Variants in PPP1R16A observed in about 807,000 individuals in gnomAD.
PPP1R16A encodes protein phosphatase 1 regulatory subunit 16A, also known as myosin phosphatase-targeting subunit 3.
In PPP1R16A, 39 loss-of-function variants were observed where a neutral mutation model predicts 46.6. The ratio of observed to expected loss-of-function variants is 0.84; its 90% CI spans 0.65 to 1.09. PPP1R16A has a LOEUF of 1.09. Ranked by LOEUF, PPP1R16A falls within the 50% of genes least tolerant of loss-of-function variation. The pLI is 0.00. For missense variants in PPP1R16A, 798 were observed against 735.6 expected, an observed-to-expected ratio of 1.08 and a Z score of -0.98; for synonymous variants, 413 against 321.5, an observed-to-expected ratio of 1.28 and a Z score of -3.04.
chr8:144,489,689 G>A (rs1356923805), intron 1 of PPP1R16A, among the ~76,000 whole-genome samples: 2 of 152,280 alleles, frequency 1.3e-5, no homozygotes, highest in African/African-American at 4.8e-5. Context: ...GTGACGTGCT[G>A]ATGTGCATCC....
chr8:144,498,801 T>C lies in PPP1R16A; in HGVS notation c.291T>C (p.Pro97=). ...VRQFLGSGVS[P]DLANEDGLTA... is the part of the protein sequence containing the mutation. Reference sequence around the variant, plus strand: ...AGTTCCTTGGGAGTGGGGTCAGCCCTGACTTGGCCAACGAGGACGGCCTGA... The same window carrying C: ...AGTTCCTTGGGAGTGGGGTCAGCCCCGACTTGGCCAACGAGGACGGCCTGA... Residue 97 remains proline, a synonymous_variant, in exon 4 of 12, where the codon CCT becomes CCC. Transcript: ENST00000435887. 6.2e-7 allele frequency: 1 copy of C among 1,603,054 alleles called. No individual in the cohort carries two copies. Among genetic ancestry groups the C allele is most frequent in the South Asian group, 1.1e-5 (1 of 90,702 alleles).
intron 1 of PPP1R16A, among the ~76,000 whole-genome samples, chr8:144,486,430 A>C (rs1265555141): frequency 6.6e-6 from 1 of 152,170 alleles, no homozygotes; most frequent in Non-Finnish European, 1.5e-5. Flanking sequence ...TGGGAGTTGC[A>C]TGTTGAGCTG....
intron 1 of PPP1R16A, among the ~76,000 whole-genome samples, chr8:144,481,206 GAAC>G (rs1825405637): frequency 6.6e-6 from 1 of 152,002 alleles, no homozygotes; most frequent in African/African-American, 2.4e-5. Context: ...TGGGTTTTGT[GAAC>G]AACGTCATAA....
At chr8:144,484,449 G>A (rs1429213733) in intron 1 of PPP1R16A, among the ~76,000 whole-genome samples, 1 of 152,216 alleles carries the variant, frequency 6.6e-6, no homozygotes, top group African/African-American at 2.4e-5. Flanking sequence ...GGGCTGCTAG[G>A]AGCCCTCCCT....
chr8:144,490,688 C>A (rs1237040301), intron 2 of PPP1R16A, among the ~76,000 whole-genome samples: 1 of 152,202 alleles, frequency 6.6e-6, no homozygotes, highest in African/African-American at 2.4e-5. Context: ...GAGACTGCAC[C>A]TTCAGAAGGT....
intron 3 of PPP1R16A, 123 bp downstream of exon 3, chr8:144,497,576 T>C: frequency 7.2e-7 from 1 of 1,387,596 alleles, no homozygotes; most frequent in Non-Finnish European, 1.0e-6. Flanking sequence ...AGCCCCCAGA[T>C]CTTGCCTGGT....
rs747518192 is a variant in PPP1R16A at position 144,500,088 on chromosome 8, C to T, written c.477-8C>T. ...TTGTGCCCAGCACCCCGTCCGTCTT[C>T]CCTGCAGTGGCGCCAATCTCCTGGC... On this transcript the variant is annotated splice_region_variant and splice_polypyrimidine_tract_variant and intron_variant, in intron 5 of 11. Coordinates refer to ENST00000435887, the MANE Select transcript of PPP1R16A (RefSeq NM_001329443.2). 1.9e-6 allele frequency: 3 copies of T among 1,603,792 alleles called. No individual in the cohort carries two copies. Among genetic ancestry groups the T allele is most frequent in the Admixed American group, 3.4e-5 (2 of 59,050 alleles).
intron 2 of PPP1R16A, 100 bp from the exon 3 acceptor site, chr8:144,496,361 G>T (rs905949132): frequency 2.0e-5 from 3 of 152,608 alleles, no homozygotes; most frequent in African/African-American, 7.2e-5. Flanking sequence ...ACCTGAGACA[G>T]CTGGAAGCCT....
chr8:144,489,058 G>A (rs958580154), intron 1 of PPP1R16A, among the ~76,000 whole-genome samples: 3 of 150,990 alleles, frequency 2.0e-5, no homozygotes, highest in Non-Finnish European at 4.4e-5. Context: ...ACAAATATTA[G>A]CCGGGTGTTG....
Position 144,488,715 on chromosome 8 carries a change from T to TA in PPP1R16A, c.-913-1319_-913-1318insA, listed in dbSNP as rs533160717. ...GGGGTGAAGCCACAGTGAGGGCTGG[T>TA]GCTGGGTGGTTGGTGCCTGATGATG... is the stretch of plus-strand genomic sequence containing the variant. On this transcript the variant is annotated intron_variant, in intron 1 of 11. Transcript: ENST00000435887. 5.8e-3 allele frequency among the ~76,000 whole-genome samples: 879 copies of TA among 152,118 alleles called. 6 individuals are homozygous for TA. Among genetic ancestry groups the TA allele is most frequent in the South Asian group, 0.028 (133 of 4,814 alleles).
At position 144,490,412 on chromosome 8, in the gene PPP1R16A, A is replaced by G. The variant is rs139115045; in HGVS notation, c.-735+200A>G. On this transcript the variant is annotated intron_variant, in intron 2 of 11. Coordinates refer to ENST00000435887, the MANE Select transcript of PPP1R16A (RefSeq NM_001329443.2). ...TCCCAGCTACTTGGGAGACTTAGGC[A>G]GGAGAATCACTTGAACCTGGGAGGT... Among the ~76,000 whole-genome samples the G allele has an allele frequency of 4.6e-3, 698 of 152,260 alleles. 4 individuals carry two copies. The highest frequency in any genetic ancestry group is 0.015 in the African/African-American group (635 of 41,562).
At chr8:144,488,985 C>T (rs1017037485) in intron 1 of PPP1R16A, among the ~76,000 whole-genome samples, 22 of 151,474 alleles carry the variant, frequency 1.5e-4, no homozygotes, top group African/African-American at 5.3e-4. Context: ...AGGCGGATCA[C>T]TTGAGGTCAG....
chr8:144,481,802 G>C (rs1413082568), intron 1 of PPP1R16A, among the ~76,000 whole-genome samples: 1 of 151,994 alleles, frequency 6.6e-6, no homozygotes, highest in African/African-American at 2.4e-5. Flanking sequence ...TTTTGAGACA[G>C]AGTCTTGCTC....
At chr8:144,498,637 C>G in intron 3 of PPP1R16A, 133 bp from the exon 4 acceptor site, 1 of 853,850 alleles carries the variant, frequency 1.2e-6, no homozygotes, top group African/African-American at 1.7e-5. Context: ...TGCCCCCACC[C>G]CTGGGCTCTG....
chr8:144,491,524 G>C (rs534323567), intron 2 of PPP1R16A, among the ~76,000 whole-genome samples: 2 of 152,236 alleles, frequency 1.3e-5, no homozygotes, highest in African/African-American at 4.8e-5. Context: ...AGCACTTTGG[G>C]AGGCTGACAT....
chr8:144,501,301 G>A lies in PPP1R16A; in HGVS notation c.1203+7G>A, dbSNP rs539260252. 1.1e-5 allele frequency: 18 copies of A among 1,572,820 alleles called. No homozygotes were observed. Among genetic ancestry groups the A allele is most frequent in the African/African-American group, 5.4e-5 (4 of 74,266 alleles). ...CAGGCCGCCGCCCCCGGAGGTGAGC[G>A]CCCCGTCCCTGCTCCGCCCAGCGCA... is the stretch of plus-strand genomic sequence containing the variant. On this transcript the variant is annotated splice_region_variant and intron_variant, in intron 11 of 11. Transcript: ENST00000435887.
chr8:144,500,862 G>T lies in PPP1R16A; in HGVS notation c.928G>T (p.Val310Leu). The T allele has an allele frequency of 6.4e-7, 1 of 1,570,676 alleles. No homozygotes were observed. The change falls in exon 10 of 12, where the codon GTG becomes TTG. Residue 310 changes from valine (V) to leucine (L), a missense_variant. Transcript: ENST00000435887. Reference protein sequence around the residue: ...TPLDVCGDEEVRAKLLELKHK... With the variant: ...TPLDVCGDEELRAKLLELKHK... ...CTCAGATGTGTGCGGGGACGAGGAGGTGCGGGCCAAGCTGCTGGAGCTGAA... is the reference window on the plus strand; with the variant it reads ...CTCAGATGTGTGCGGGGACGAGGAGTTGCGGGCCAAGCTGCTGGAGCTGAA...
At chr8:144,496,092 C>T (rs1224193101) in intron 2 of PPP1R16A, 1 of 152,292 alleles carries the variant, frequency 6.6e-6, no homozygotes, top group Non-Finnish European at 1.5e-5. Flanking sequence ...CCTGCAAAGC[C>T]CTCAAGGCTG....
At chr8:144,499,139 T>C in intron 5 of PPP1R16A, 78 bp downstream of exon 5, 2 of 1,474,296 alleles carry the variant, frequency 1.4e-6, no homozygotes, top group Non-Finnish European at 9.0e-7. Context: ...TTGGGCAGTA[T>C]CTGTGGCTCT....
Sources: gnomAD v4.1 joint callset for allele counts (sites outside exome capture counted in the v4.1 genomes callset) on GRCh38, gnomAD v4.1.1 for gene constraint, MANE v1.5 for transcripts, NCBI Gene and HGNC (gene_info 2026-07-23, HGNC 2026-07-21) for gene names.